Variants in DPF3 observed in about 807,000 individuals in gnomAD.
DPF3 encodes the protein double PHD fingers 3.
Under a neutral mutation model 56.8 loss-of-function variants are expected in DPF3, and 18 were observed. The ratio of observed to expected loss-of-function variants is 0.32; its 90% CI spans 0.22 to 0.47. The LOEUF (loss-of-function observed/expected upper bound fraction) is 0.47. DPF3 is among the 20% of genes least tolerant of loss of function. The pLI, the probability that DPF3 is intolerant of heterozygous loss-of-function variation, is 1.00. For missense variants in DPF3, 403 were observed against 488.8 expected (o/e 0.82, Z 1.65); for synonymous variants, 188 against 180.2 (o/e 1.04, Z -0.35).
chr14:72,823,870 C>T (rs1299931644), intron 1 of DPF3, among the ~76,000 whole-genome samples: 1 of 152,168 alleles, frequency 6.6e-6, no homozygotes, highest in Non-Finnish European at 1.5e-5. Flanking sequence ...AGAGGCTGAT[C>T]TATGCTTAGG....
chr14:72,683,132 GC>G (rs1474576079), intron 7 of DPF3, among the ~76,000 whole-genome samples: 1 of 152,008 alleles, frequency 6.6e-6, no homozygotes, highest in Non-Finnish European at 1.5e-5. Context: ...TTCGAGACCA[GC>G]CTGGCTAACA....
At chr14:72,804,322 T>C (rs2140006379) in intron 1 of DPF3, among the ~76,000 whole-genome samples, 1 of 151,966 alleles carries the variant, frequency 6.6e-6, no homozygotes, top group East Asian at 1.9e-4. Context: ...AATAGAACAA[T>C]AGGTACATTA....
At chr14:72,709,467 C>A (rs1405911723) in intron 6 of DPF3, among the ~76,000 whole-genome samples, 1 of 152,140 alleles carries the variant, frequency 6.6e-6, no homozygotes, top group African/African-American at 2.4e-5. Context: ...GTAACTACTA[C>A]CTGACTCCAG....
At chr14:72,701,394 CAGA>C (rs1411002594) in intron 6 of DPF3, among the ~76,000 whole-genome samples, 2 of 152,330 alleles carry the variant, frequency 1.3e-5, no homozygotes, top group South Asian at 2.1e-4. Context: ...TGTCAAGGTG[CAGA>C]AGGAGTGTTT....
chr14:72,788,439 G>A (rs1392791339), intron 1 of DPF3, among the ~76,000 whole-genome samples: 1 of 152,086 alleles, frequency 6.6e-6, no homozygotes, highest in Non-Finnish European at 1.5e-5. Context: ...GGAGGAGGGG[G>A]GCCGCAGAGT....
intron 1 of DPF3, among the ~76,000 whole-genome samples, chr14:72,788,018 G>A (rs1046903434): frequency 4.6e-5 from 7 of 152,222 alleles, no homozygotes; most frequent in Non-Finnish European, 8.8e-5. Flanking sequence ...GTACTGTAAG[G>A]TGAAAGAAAC....
At chr14:72,813,004 G>A (rs76742361) in intron 1 of DPF3, among the ~76,000 whole-genome samples, 4,779 of 152,194 alleles carry the variant, frequency 0.031, 115 homozygotes, top group East Asian at 0.12. Flanking sequence ...ACACCGCATC[G>A]CCTCTGGGCA....
At chr14:72,652,779 G>A (rs1393957615) in intron 8 of DPF3, among the ~76,000 whole-genome samples, 2 of 152,054 alleles carry the variant, frequency 1.3e-5, no homozygotes, top group Admixed American at 6.5e-5. Flanking sequence ...CCCAGAATGC[G>A]GGCTGTACCA....
rs1237171034 is a variant in DPF3, at chr14:72,688,214, GTGGATGGA to G, written c.742+4854_742+4861del. On this transcript the variant is annotated intron_variant, in intron 7 of 10. Coordinates refer to ENST00000556509, the MANE Select transcript of DPF3 (RefSeq NM_001280542.3). ...GATGGGTGGGTGGGTGGGTGTGTGG[GTGGATGGA>G]TGGATGGATGGATGGGATGGATGGA... 1.8e-3 allele frequency among the ~76,000 whole-genome samples: 234 copies of G among 126,628 alleles called. 1 individual carries two copies. The highest frequency in any genetic ancestry group is 8.2e-3 in the Middle Eastern group (2 of 244). The allele number at this position is 126,628 out of a possible 152,430, so 83.1% of individuals were successfully genotyped here.
intron 8 of DPF3, among the ~76,000 whole-genome samples, chr14:72,649,763 A>G (rs1054507429): frequency 6.6e-6 from 1 of 152,252 alleles, no homozygotes; most frequent in African/African-American, 2.4e-5. Flanking sequence ...TCTTAAAACA[A>G]TCTGTGACTC....
At chr14:72,888,298 T>C (rs879239751) in intron 1 of DPF3, among the ~76,000 whole-genome samples, 1 of 152,144 alleles carries the variant, frequency 6.6e-6, no homozygotes, top group Non-Finnish European at 1.5e-5. Flanking sequence ...TCCTCTTCCC[T>C]CTGCCCCACC....
At chr14:72,872,340 A>C (rs61988470) in intron 1 of DPF3, among the ~76,000 whole-genome samples, 26,535 of 152,216 alleles carry the variant, frequency 0.17, 2,483 homozygotes, top group Non-Finnish European at 0.2. Context: ...ACATTAGGAT[A>C]CTTGCTACTT....
Position 72,648,875 on chromosome 14 carries a change from C to G in DPF3, c.872-19139G>C, listed in dbSNP as rs1209013953. Among the ~76,000 whole-genome samples the G allele has an allele frequency of 7.2e-5, 11 of 152,286 alleles. No individual in the cohort carries two copies. In the East Asian group the frequency reaches 2.1e-3, roughly 29 times the overall value. On this transcript the variant is annotated intron_variant, in intron 8 of 10. Coordinates refer to ENST00000556509, the MANE Select transcript of DPF3 (RefSeq NM_001280542.3). ...AGATCCTTCCTGACCAAGCATCCCC[C>G]TCTGTTGAGCGTCCAATTTCTCTGC...
At chr14:72,842,996 C>A (rs1341260740) in intron 1 of DPF3, among the ~76,000 whole-genome samples, 2 of 152,094 alleles carry the variant, frequency 1.3e-5, no homozygotes, top group Admixed American at 1.3e-4. Context: ...GCACTCCAAC[C>A]CGGGTGACAG....
intron 3 of DPF3, among the ~76,000 whole-genome samples, chr14:72,745,044 C>A (rs1054993788): frequency 6.8e-6 from 1 of 146,532 alleles, no homozygotes; most frequent in East Asian, 2.0e-4. Flanking sequence ...GAGGTCACAC[C>A]AGGAGGCTGG....
chr14:72,844,232 C>T (rs545427192), intron 1 of DPF3, among the ~76,000 whole-genome samples: 1 of 152,206 alleles, frequency 6.6e-6, no homozygotes, highest in Non-Finnish European at 1.5e-5. Flanking sequence ...CGTTAGAAAA[C>T]TGCCTCCACA....
chr14:72,631,116 C>T (rs1567183314), intron 8 of DPF3, among the ~76,000 whole-genome samples: 1 of 152,164 alleles, frequency 6.6e-6, no homozygotes, highest in Admixed American at 6.5e-5. Context: ...AGAAACCATG[C>T]TGAGTTATCT....
At chr14:72,710,267 GGCTAAGGATACT>G (rs1888596134) in intron 6 of DPF3, among the ~76,000 whole-genome samples, 1 of 152,130 alleles carries the variant, frequency 6.6e-6, no homozygotes. Context: ...TACAAAATGG[GGCTAAGGATACT>G]GCTAGGATTT....
At chr14:72,620,262 A>G (rs761622536) in intron 9 of DPF3, among the ~76,000 whole-genome samples, 44 of 152,274 alleles carry the variant, frequency 2.9e-4, no homozygotes, top group Non-Finnish European at 4.3e-4. Context: ...CTAACACCTC[A>G]CATCCAAATT....
Sources: allele counts gnomAD v4.1 joint callset (sites outside exome capture counted in the v4.1 genomes callset), GRCh38; gene constraint gnomAD v4.1.1; transcripts MANE v1.5; gene names NCBI Gene and HGNC (gene_info 2026-07-23, HGNC 2026-07-21).